Variants in CEP112 observed in about 807,000 individuals in gnomAD.
The protein encoded by CEP112 is centrosomal protein 112.
A neutral mutation model predicts 153.0 loss-of-function variants in CEP112; 127 were observed. The observed-to-expected ratio is 0.83, with a 90% confidence interval of 0.72 to 0.96. The LOEUF (loss-of-function observed/expected upper bound fraction) is 0.96. CEP112 is among the 40% of genes least tolerant of loss of function. The pLI, the probability that CEP112 is intolerant of heterozygous loss-of-function variation, is 0.00. For missense variants in CEP112, 1,089 were observed against 1,101.2 expected, an observed-to-expected ratio of 0.99 and a Z score of 0.16; for synonymous variants, 358 against 374.4, an observed-to-expected ratio of 0.96 and a Z score of 0.51.
At chr17:65,919,941 C>T (rs906875669) in intron 19 of CEP112, among the ~76,000 whole-genome samples, 1 of 152,058 alleles carries the variant, frequency 6.6e-6, no homozygotes, top group Non-Finnish European at 1.5e-5. Context: ...GTTCAGGTTC[C>T]GAATCCACCA....
chr17:66,179,233 G>A (rs2072615438), intron 2 of CEP112, among the ~76,000 whole-genome samples: 1 of 152,108 alleles, frequency 6.6e-6, no homozygotes, highest in African/African-American at 2.4e-5. Context: ...TGTGAAGAAT[G>A]TCATTGGTAT....
intron 21 of CEP112, among the ~76,000 whole-genome samples, chr17:65,836,102 ACAAAG>A (rs1317065523): frequency 6.6e-6 from 1 of 152,098 alleles, no homozygotes; most frequent in Non-Finnish European, 1.5e-5. Flanking sequence ...CGTGGTGGCC[ACAAAG>A]CAAAGTAAAT....
At chr17:66,106,500 C>T (rs9891307) in intron 6 of CEP112, among the ~76,000 whole-genome samples, 24,654 of 151,806 alleles carry the variant, frequency 0.16, 2,762 homozygotes, top group African/African-American at 0.32. Context: ...AATCATTAGA[C>T]GCTACTATGA....
rs181028175 is a variant in CEP112, at chr17:65,860,196, A to T, written c.2164-8162T>A. ...ATCAGCAAAAAAATTATAAACATTT[A>T]CAGCTATGACAACAAACAAAGAATC... On this transcript the variant is annotated intron_variant, in intron 20 of 26. Coordinates refer to ENST00000535342, the MANE Select transcript of CEP112 (RefSeq NM_001199165.4). Among the ~76,000 whole-genome samples, 413 of 151,424 alleles carry T rather than the reference A, an allele frequency of 2.7e-3. 3 individuals carry two copies. The highest frequency in any genetic ancestry group is 0.024 in the Middle Eastern group (7 of 292).
At chr17:66,173,933 T>C (rs1383353715) in intron 4 of CEP112, among the ~76,000 whole-genome samples, 1 of 152,128 alleles carries the variant, frequency 6.6e-6, no homozygotes, top group Non-Finnish European at 1.5e-5. Flanking sequence ...ATTTATCTTT[T>C]TCTTTTCTTT....
chr17:66,032,887 C>T (rs1200023993), intron 12 of CEP112, among the ~76,000 whole-genome samples: 1 of 152,120 alleles, frequency 6.6e-6, no homozygotes, highest in Non-Finnish European at 1.5e-5. Context: ...AAGAAGAAGT[C>T]TCGTGGCTGG....
At chr17:65,858,070 G>T (rs1181216932) in intron 20 of CEP112, among the ~76,000 whole-genome samples, 2 of 152,134 alleles carry the variant, frequency 1.3e-5, no homozygotes, top group African/African-American at 4.8e-5. Flanking sequence ...ACAACTTGGT[G>T]ATTACATACG....
At chr17:66,097,715 A>G (rs780824431) in intron 6 of CEP112, among the ~76,000 whole-genome samples, 8 of 152,192 alleles carry the variant, frequency 5.3e-5, no homozygotes, top group Non-Finnish European at 1.0e-4. Context: ...TATCTAATGT[A>G]TAGTAGCCTT....
rs542903601 is a variant in CEP112 at position 65,810,811 on chromosome 17, T to A, written c.2394+40993A>T. 4.6e-5 allele frequency among the ~76,000 whole-genome samples: 7 copies of A among 152,240 alleles called. No homozygotes were observed. In the East Asian group the frequency reaches 1.4e-3, roughly 29 times the overall value. On this transcript the variant is annotated intron_variant, in intron 21 of 26. Coordinates refer to ENST00000535342, the MANE Select transcript of CEP112 (RefSeq NM_001199165.4). ...CCTTGAATAAGGATGAGGAGTGTAG[T>A]GTACTAGTGAAGACCTTAGACAGAG... is the stretch of plus-strand genomic sequence containing the variant.
At chr17:65,669,330 G>A (rs961429776) in intron 24 of CEP112, among the ~76,000 whole-genome samples, 1 of 152,202 alleles carries the variant, frequency 6.6e-6, no homozygotes, top group East Asian at 1.9e-4. Flanking sequence ...TTAGACTTTA[G>A]AGTCTGATGA....
Position 65,681,972 on chromosome 17 carries a change from G to A in CEP112, c.2697+7157C>T, listed in dbSNP as rs181946431. Among the ~76,000 whole-genome samples, 25 of 151,688 alleles carry A rather than the reference G, an allele frequency of 1.6e-4. No individual in the cohort carries two copies. In the East Asian group the frequency reaches 4.7e-3, roughly 28 times the overall value. On this transcript the variant is annotated intron_variant, in intron 24 of 26. Transcript: ENST00000535342. The stretch of plus-strand genomic sequence containing the variant: ...TGGGATTACAGGCATGAGTCACCAC[G>A]CCAGGCCTGAATTTTTCTTTTCTTT...
intron 18 of CEP112, among the ~76,000 whole-genome samples, chr17:65,938,656 G>A (rs2061424616): frequency 6.6e-6 from 1 of 152,102 alleles, no homozygotes; most frequent in African/African-American, 2.4e-5. Flanking sequence ...AAGTAGAATT[G>A]TCTCTGTATG....
At chr17:65,654,954 C>A (rs1037022632) in intron 24 of CEP112, 3 of 662,652 alleles carry the variant, frequency 4.5e-6, no homozygotes, top group Admixed American at 1.9e-5. Flanking sequence ...CAAATTATTG[C>A]GGAAGCCGGG....
chr17:65,940,950 TTGTGTGCA>T (rs1484929673), intron 18 of CEP112, among the ~76,000 whole-genome samples: 1 of 152,178 alleles, frequency 6.6e-6, no homozygotes, highest in Admixed American at 6.5e-5. Flanking sequence ...ATCATCTACA[TTGTGTGCA>T]TGTGTGCATT....
chr17:66,021,152 G>T (rs1055448504), intron 16 of CEP112, among the ~76,000 whole-genome samples: 6 of 152,244 alleles, frequency 3.9e-5, no homozygotes, highest in Non-Finnish European at 7.4e-5. Context: ...ATGATACCAG[G>T]AAGTACCCCA....
chr17:65,807,570 C>A (rs927487862), intron 21 of CEP112, among the ~76,000 whole-genome samples: 1 of 152,162 alleles, frequency 6.6e-6, no homozygotes, highest in Non-Finnish European at 1.5e-5. Flanking sequence ...GTTTTATGGG[C>A]CCCTCTGCTC....
chr17:65,996,129 CGTGTGTGTGT>C lies in CEP112; in HGVS notation c.1736+9551_1736+9560del, dbSNP rs3055983. Among the ~76,000 whole-genome samples, 442 of 145,792 alleles carry C rather than the reference CGTGTGTGTGT, an allele frequency of 3.0e-3. 1 individual carries two copies. The highest frequency in any genetic ancestry group is 2.4e-3 in the East Asian group (12 of 4,974). ...ATCCTACACCATGGGGAAAAATATA[CGTGTGTGTGT>C]GTGTGTGTGTGTGTGTGTGTGTGTG... On this transcript the variant is annotated intron_variant, in intron 17 of 26. Transcript: ENST00000535342.
chr17:65,759,622 G>A (rs966467363), intron 21 of CEP112, among the ~76,000 whole-genome samples: 1 of 152,126 alleles, frequency 6.6e-6, no homozygotes, highest in Non-Finnish European at 1.5e-5. Context: ...CTGTGATGAA[G>A]TAACTGCCAC....
intron 16 of CEP112, among the ~76,000 whole-genome samples, chr17:66,015,690 A>T (rs1033106728): frequency 2.0e-5 from 3 of 152,228 alleles, no homozygotes; most frequent in Admixed American, 6.5e-5. Flanking sequence ...GGGTCTGGAC[A>T]TTTATAAAAA....
Sources: gnomAD v4.1 joint callset for allele counts (sites outside exome capture counted in the v4.1 genomes callset) on GRCh38, gnomAD v4.1.1 for gene constraint, MANE v1.5 for transcripts, NCBI Gene and HGNC (gene_info 2026-07-23, HGNC 2026-07-21) for gene names.